The following DOCK11 variants were observed in gnomAD, a reference collection of about 807,000 sequenced individuals.
DOCK11 encodes the protein dedicator of cytokinesis 11, also known as dedicator of cytokinesis protein 11.
A neutral mutation model predicts 169.1 loss-of-function variants in DOCK11; 70 were observed. The ratio of observed to expected loss-of-function variants is 0.41; its 90% CI spans 0.34 to 0.51. The LOEUF is 0.51. DOCK11 is among the 20% of genes least tolerant of loss of function. The probability of loss-of-function intolerance (pLI) is 0.10; values close to 1 mark genes in which losing one functional copy is unlikely to be tolerated. For synonymous variants in DOCK11, 529 were observed against 541.3 expected (o/e 0.98, Z 0.32); for missense variants, 1,166 against 1,538.8 (o/e 0.76, Z 4.05).
At position 118,618,586 on chromosome X, in the gene DOCK11, G is replaced by A; in HGVS notation, c.3329G>A (p.Cys1110Tyr). The A allele has an allele frequency of 8.3e-7, 1 of 1,207,810 alleles. No homozygotes were observed. Among genetic ancestry groups the A allele is most frequent in the East Asian group, 3.0e-5 (1 of 33,696 alleles). ...GAATACAGTTTATCAGATGAGTATT[G>A]CAAGCATCACTTCTTGGTTGGTCTA... ...NLEYSLSDEY[C>Y]KHHFLVGLLL... The change falls in exon 31 of 53, where the codon TGC (cysteine) becomes TAC (tyrosine). Residue 1110 changes from cysteine (C) to tyrosine (Y), a missense_variant. By Grantham distance (194) the Cys-to-Tyr change is radical (BLOSUM62 -2). Coordinates refer to ENST00000276202, the MANE Select transcript of DOCK11 (RefSeq NM_144658.4).
At chrX:118,681,616 TA>T in intron 50 of DOCK11, 77 bp from the exon 51 acceptor site, 1 of 764,117 alleles carries the variant, frequency 1.3e-6, no homozygotes, top group Non-Finnish European at 1.8e-6. Flanking sequence ...GGATTTTTAA[TA>T]AAAAAGAGAA....
chrX:118,586,128 ACTAT>A (rs372720303), intron 16 of DOCK11, among the ~76,000 whole-genome samples: 2 of 111,899 alleles, frequency 1.8e-5, no homozygotes, highest in African/African-American at 3.2e-5. Context: ...TCACTGAATA[ACTAT>A]CTATTGAGTA....
Position 118,561,443 on chromosome X carries a change from T to C in DOCK11, c.619T>C (p.Ser207Pro), listed in dbSNP as rs932658035. The C allele has an allele frequency of 1.7e-6, 2 of 1,207,095 alleles. No homozygotes were observed. Among genetic ancestry groups the C allele is most frequent in the Admixed American group, 4.4e-5 (2 of 45,395 alleles). ...QLPDGSYILN[S>P]YKDEKNSKES... is the part of the protein sequence containing the mutation. ...TCCTGACGGTTCATATATTCTCAATTCCTATAAAGATGAGAAAAATTCAAA... is the reference window on the plus strand; with the variant it reads ...TCCTGACGGTTCATATATTCTCAATCCCTATAAAGATGAGAAAAATTCAAA... The change falls in exon 7 of 53, where the codon TCC (serine) becomes CCC (proline). Residue 207 changes from serine to proline, a missense_variant. By Grantham distance (74) the Ser-to-Pro change is moderately conservative. Coordinates refer to ENST00000276202, the MANE Select transcript of DOCK11 (RefSeq NM_144658.4).
chrX:118,580,064 A>T, intron 13 of DOCK11, 33 bp from the exon 14 acceptor site: 1 of 1,170,382 alleles, frequency 8.5e-7, no homozygotes, highest in Middle Eastern at 2.4e-4. Flanking sequence ...AGTTTGAACA[A>T]ATACAAGCCT....
At chrX:118,626,261 G>A (rs1192006493) in intron 32 of DOCK11, among the ~76,000 whole-genome samples, 190 of 108,374 alleles carry the variant, frequency 1.8e-3, no homozygotes, top group Middle Eastern at 4.7e-3. Flanking sequence ...TAGAGACGGG[G>A]GGTTTCACCA....
chrX:118,673,812 C>A (rs1355972066), intron 46 of DOCK11, among the ~76,000 whole-genome samples: 1 of 111,403 alleles, frequency 9.0e-6, no homozygotes, highest in Non-Finnish European at 1.9e-5. Flanking sequence ...TTACTCCCCA[C>A]CCCACTCCCA....
chrX:118,514,493 C>G (rs1336293085), intron 1 of DOCK11, among the ~76,000 whole-genome samples: 1 of 110,697 alleles, frequency 9.0e-6, no homozygotes, highest in African/African-American at 3.3e-5. Context: ...TAACAATACC[C>G]AAACCCATAA....
intron 10 of DOCK11, chrX:118,569,606 A>G (rs2013210795): frequency 8.9e-6 from 1 of 112,095 alleles, no homozygotes; most frequent in Non-Finnish European, 1.9e-5. Context: ...AATAATGCAA[A>G]CATTTTCCTT....
intron 44 of DOCK11, among the ~76,000 whole-genome samples, chrX:118,658,973 GT>G (rs1352019269): frequency 9.0e-6 from 1 of 111,494 alleles, no homozygotes; most frequent in Non-Finnish European, 1.9e-5. Flanking sequence ...ATAGAATCTG[GT>G]TTTTTTCATT....
At chrX:118,636,618 C>T (rs2015393432) in intron 36 of DOCK11, among the ~76,000 whole-genome samples, 2 of 112,180 alleles carry the variant, frequency 1.8e-5, no homozygotes, top group South Asian at 3.7e-4. Context: ...ACTGCTGAAA[C>T]TCTAGCTAAT....
At chrX:118,643,204 C>T (rs1008949345) in intron 39 of DOCK11, among the ~76,000 whole-genome samples, 16 of 111,044 alleles carry the variant, frequency 1.4e-4, no homozygotes, top group Non-Finnish European at 1.9e-5. Context: ...CCATACTAGT[C>T]CTGTATATTG....
chrX:118,593,108 G>A, intron 19 of DOCK11, 106 bp from the exon 20 acceptor site: 2 of 911,013 alleles, frequency 2.2e-6, no homozygotes, highest in Non-Finnish European at 3.0e-6. Flanking sequence ...CACTTGGCCA[G>A]TCCTTTAGGA....
chrX:118,568,720 A>G, intron 10 of DOCK11, among the ~76,000 whole-genome samples: 1 of 110,242 alleles, frequency 9.1e-6, no homozygotes, highest in Non-Finnish European at 1.9e-5. Flanking sequence ...AACCTCTTTC[A>G]TGAGAGTTAG....
At chrX:118,593,584 G>A (rs1292331848) in intron 20 of DOCK11, among the ~76,000 whole-genome samples, 1 of 111,635 alleles carries the variant, frequency 9.0e-6, no homozygotes, top group Non-Finnish European at 1.9e-5. Flanking sequence ...GGCACTTCTT[G>A]GCAGCAGCAA....
chrX:118,618,518 A>T, intron 30 of DOCK11, 32 bp from the exon 31 acceptor site: 1 of 1,093,264 alleles, frequency 9.1e-7, no homozygotes, highest in South Asian at 2.2e-5. Context: ...GAATATTTTC[A>T]TAAATGGGTT....
chrX:118,640,743 T>C (rs756876919), intron 38 of DOCK11, among the ~76,000 whole-genome samples: 2 of 112,173 alleles, frequency 1.8e-5, no homozygotes, highest in South Asian at 3.7e-4. Flanking sequence ...ACTAATGAAA[T>C]TGATTAACCC....
In DOCK11 at chrX:118,542,917, G is replaced by T. The variant is rs1490616448; in HGVS notation, c.220-9G>T. ...AGTTCTTACAGCAAAAATGTTCTTT[G>T]TGTTCTAGATCTCGGTGATAGGTCG... is the stretch of plus-strand genomic sequence containing the variant. On this transcript the variant is annotated splice_polypyrimidine_tract_variant and intron_variant, in intron 2 of 52. Coordinates refer to ENST00000276202, the MANE Select transcript of DOCK11 (RefSeq NM_144658.4). The T allele has an allele frequency of 1.7e-6, 2 of 1,209,834 alleles. No individual in the cohort carries two copies. The highest frequency in any genetic ancestry group is 2.2e-5 in the Admixed American group (1 of 45,924).
Position 118,630,431 on chromosome X carries a change from A to G in DOCK11, c.3827A>G (p.Gln1276Arg), listed in dbSNP as rs373560556. The change falls in exon 35 of 53, where the codon CAG becomes CGG. Residue 1276 changes from glutamine (Q) to arginine (R), a missense_variant. Gln to Arg is a conservative substitution (Grantham distance 43, BLOSUM62 1). Coordinates refer to ENST00000276202, the MANE Select transcript of DOCK11 (RefSeq NM_144658.4). The stretch of plus-strand genomic sequence containing the variant: ...GTATCCCAGTATAACCGCCTGGATC[A>G]GTATGAAATCAGAAGCCTCCTGATG... The part of the protein sequence containing the change: ...SSVSQYNRLD[Q>R]YEIRSLLMCY... 15 of 1,208,792 alleles carry G rather than the reference A, an allele frequency of 1.2e-5. No individual in the cohort carries two copies. In the East Asian group the frequency reaches 2.1e-4, roughly 17 times the overall value.
intron 1 of DOCK11, among the ~76,000 whole-genome samples, chrX:118,507,651 G>A (rs770054532): frequency 2.7e-5 from 3 of 111,770 alleles, no homozygotes; most frequent in East Asian, 2.8e-4. Context: ...TGCCCGGCCC[G>A]TTTTTTAAAT....
Sources: allele counts gnomAD v4.1 joint callset (sites outside exome capture counted in the v4.1 genomes callset), GRCh38; gene constraint gnomAD v4.1.1; transcripts MANE v1.5; gene names NCBI Gene and HGNC (gene_info 2026-07-23, HGNC 2026-07-21).